The following CACNA2D3 variants were observed in gnomAD, a reference collection of about 807,000 sequenced individuals.
CACNA2D3 encodes voltage-dependent calcium channel subunit alpha-2/delta-3.
CACNA2D3 carries 60 observed loss-of-function variants against 160.6 expected under a neutral mutation model. That is an observed-to-expected ratio of 0.37 (90% CI 0.30 to 0.46). CACNA2D3 has a LOEUF of 0.46. CACNA2D3 is among the 20% of genes least tolerant of loss of function. The pLI, the probability that CACNA2D3 is intolerant of heterozygous loss-of-function variation, is 1.00. For missense variants in CACNA2D3, 1,205 were observed against 1,365.0 expected (o/e 0.88, Z 1.85); for synonymous variants, 558 against 492.9 (o/e 1.13, Z -1.75).
intron 27 of CACNA2D3, among the ~76,000 whole-genome samples, chr3:54,952,341 C>T (rs980295548): frequency 6.6e-6 from 1 of 152,134 alleles, no homozygotes; most frequent in Non-Finnish European, 1.5e-5. Context: ...CCAGGAGGCT[C>T]CCCAGTTGTC....
chr3:54,472,426 C>T (rs944680569), intron 4 of CACNA2D3, among the ~76,000 whole-genome samples: 4 of 152,240 alleles, frequency 2.6e-5, no homozygotes, highest in Admixed American at 2.6e-4. Context: ...TATGACAAAC[C>T]ACAGCCAATA....
chr3:55,040,331 A>C (rs1487615864), intron 35 of CACNA2D3, among the ~76,000 whole-genome samples: 1 of 152,198 alleles, frequency 6.6e-6, no homozygotes, highest in Non-Finnish European at 1.5e-5. Flanking sequence ...TTTCTCTTAC[A>C]CTAAAAATCT....
At chr3:54,208,481 G>A (rs1701312200) in intron 2 of CACNA2D3, among the ~76,000 whole-genome samples, 1 of 152,198 alleles carries the variant, frequency 6.6e-6, no homozygotes, top group Non-Finnish European at 1.5e-5. Context: ...GCCCTGGGCT[G>A]GAAGGCACTT....
chr3:54,578,219 A>G (rs1348805131), intron 8 of CACNA2D3, among the ~76,000 whole-genome samples: 1 of 152,242 alleles, frequency 6.6e-6, no homozygotes, highest in East Asian at 1.9e-4. Context: ...CTAGCTGGTG[A>G]TGATGTACAT....
intron 11 of CACNA2D3, among the ~76,000 whole-genome samples, chr3:54,693,558 TGAAAA>T (rs1305643053): frequency 6.6e-6 from 1 of 152,202 alleles, no homozygotes; most frequent in East Asian, 1.9e-4. Context: ...ATCTACTTAT[TGAAAA>T]GAAAATTTAG....
intron 31 of CACNA2D3, among the ~76,000 whole-genome samples, chr3:54,993,884 T>TAG (rs1181575575): frequency 7.4e-4 from 46 of 61,852 alleles, no homozygotes; most frequent in Non-Finnish European, 1.2e-3. Context: ...TTGCAACTGC[T>TAG]AGTGTGTGTG....
chr3:54,632,057 A>G (rs1699249274), intron 10 of CACNA2D3: 1 of 152,224 alleles, frequency 6.6e-6, no homozygotes, highest in African/African-American at 2.4e-5. Context: ...ATTATTATGG[A>G]AAACACTTTC....
chr3:54,293,448 T>C lies in CACNA2D3; in HGVS notation c.205-26994T>C, dbSNP rs560926001. Among the ~76,000 whole-genome samples, 215 of 152,234 alleles carry C rather than the reference T, an allele frequency of 1.4e-3. 1 individual carries two copies. The highest frequency in any genetic ancestry group is 1.3e-3 in the Non-Finnish European group (87 of 68,010). On this transcript the variant is annotated intron_variant, in intron 2 of 37. Coordinates refer to ENST00000474759, the MANE Select transcript of CACNA2D3 (RefSeq NM_018398.3). ...CTCCCATTTATGAGTGAGAACATAA[T>C]GATGTTTGGTTTTCTATTCCTGAGT...
intron 13 of CACNA2D3, among the ~76,000 whole-genome samples, chr3:54,812,343 G>C (rs1703339382): frequency 6.6e-6 from 1 of 152,188 alleles, no homozygotes; most frequent in African/African-American, 2.4e-5. Context: ...TACTAGGAAG[G>C]CCTGCGAAAA....
intron 13 of CACNA2D3, among the ~76,000 whole-genome samples, chr3:54,784,194 G>A (rs890398137): frequency 6.6e-6 from 1 of 152,194 alleles, no homozygotes; most frequent in Admixed American, 6.6e-5. Context: ...AAGCCAAGGT[G>A]TCCGGAAGGC....
At chr3:54,507,676 A>G (rs1306361794) in intron 5 of CACNA2D3, among the ~76,000 whole-genome samples, 2 of 152,194 alleles carry the variant, frequency 1.3e-5, no homozygotes, top group Non-Finnish European at 2.9e-5. Flanking sequence ...CAGACTCTTC[A>G]GGAAAGCTAA....
intron 2 of CACNA2D3, among the ~76,000 whole-genome samples, chr3:54,156,726 G>A (rs1480135121): frequency 6.6e-6 from 1 of 152,182 alleles, no homozygotes; most frequent in Non-Finnish European, 1.5e-5. Flanking sequence ...CTGGACAACC[G>A]TTAGCACTAA....
At chr3:55,006,616 A>C (rs1258129714) in intron 32 of CACNA2D3, among the ~76,000 whole-genome samples, 1 of 152,212 alleles carries the variant, frequency 6.6e-6, no homozygotes. Context: ...GATTCAAGGA[A>C]TGATGTGGAA....
chr3:54,172,687 A>G (rs948158379), intron 2 of CACNA2D3, among the ~76,000 whole-genome samples: 4 of 152,234 alleles, frequency 2.6e-5, no homozygotes, highest in Non-Finnish European at 4.4e-5. Context: ...CCCATTTCAT[A>G]TGATTCAACC....
At chr3:54,206,531 A>T (rs1701279548) in intron 2 of CACNA2D3, among the ~76,000 whole-genome samples, 2 of 152,186 alleles carry the variant, frequency 1.3e-5, no homozygotes, top group Admixed American at 6.5e-5. Context: ...CATATTGATC[A>T]GCCTTAAAAA....
intron 11 of CACNA2D3, among the ~76,000 whole-genome samples, chr3:54,700,869 C>T (rs74907040): frequency 6.6e-6 from 1 of 152,200 alleles, no homozygotes; most frequent in Non-Finnish European, 1.5e-5. Context: ...AGTCTCAAAA[C>T]TGTTCAGTGA....
chr3:54,360,248 G>T lies in CACNA2D3; in HGVS notation c.322-26467G>T, dbSNP rs1035952221. On this transcript the variant is annotated intron_variant, in intron 3 of 37. Coordinates refer to ENST00000474759, the MANE Select transcript of CACNA2D3 (RefSeq NM_018398.3). ...TATTTGCTGACCCCTGCTCCAGGTA[G>T]TTGGTGGATTGATTTCGGTCAGGCC... 7.2e-5 allele frequency among the ~76,000 whole-genome samples: 11 copies of T among 152,348 alleles called. No homozygotes were observed. The East Asian group carries it at 1.9e-3, about 27-fold the overall frequency.
chr3:54,386,702 T>TTTG lies in CACNA2D3; in HGVS notation c.322-11_322-10insGTT. 1 of 1,523,810 alleles carries TTTG rather than the reference T, an allele frequency of 6.6e-7. No individual in the cohort carries two copies. The highest frequency in any genetic ancestry group is 8.8e-7 in the Non-Finnish European group (1 of 1,142,392). The allele number at this position is 1,523,810 out of a possible 1,614,324, so 94.4% of individuals were successfully genotyped here. ...CCTTAATGCTGTCTTCTGTTTTTTT[T>TTTG]TTTTTTTTTTAGCGTCTGGTGGAGG... On this transcript the variant is annotated splice_polypyrimidine_tract_variant and intron_variant, in intron 3 of 37. Transcript: ENST00000474759.
At chr3:54,147,045 C>A (rs1447529626) in intron 2 of CACNA2D3, among the ~76,000 whole-genome samples, 1 of 152,248 alleles carries the variant, frequency 6.6e-6, no homozygotes, top group African/African-American at 2.4e-5. Context: ...TTCCAATTTG[C>A]CTTTTCTGCA....
Sources: gnomAD v4.1 joint callset for allele counts (sites outside exome capture counted in the v4.1 genomes callset) on GRCh38, gnomAD v4.1.1 for gene constraint, MANE v1.5 for transcripts, NCBI Gene and HGNC (gene_info 2026-07-23, HGNC 2026-07-21) for gene names.